EXT2: variants seen among roughly 807,000 people sequenced by gnomAD.
EXT2 encodes exostosin glycosyltransferase 2.
EXT2 carries 53 observed loss-of-function variants against 81.6 expected under a neutral mutation model. That is an observed-to-expected ratio of 0.65 (90% CI 0.52 to 0.82). The LOEUF is 0.82. Ranked by LOEUF, EXT2 falls within the 40% of genes least tolerant of loss-of-function variation. The pLI is 0.00. For synonymous variants in EXT2, 320 were observed against 340.0 expected, an observed-to-expected ratio of 0.94 and a Z score of 0.65; for missense variants, 774 against 910.2, an observed-to-expected ratio of 0.85 and a Z score of 1.93.
chr11:44,209,772 G>T (rs1473690256), intron 10 of EXT2, among the ~76,000 whole-genome samples: 1 of 151,904 alleles, frequency 6.6e-6, no homozygotes, highest in Admixed American at 6.6e-5. Flanking sequence ...AGAATCCTCA[G>T]TCAGGTTGGG....
chr11:44,202,334 G>C (rs972303260), intron 9 of EXT2, among the ~76,000 whole-genome samples: 1 of 152,180 alleles, frequency 6.6e-6, no homozygotes, highest in Non-Finnish European at 1.5e-5. Flanking sequence ...TTCGCCAATT[G>C]TAAGTCCAGA....
At position 44,251,194 on chromosome 11, in the gene EXT2, T is replaced by TC. The variant is rs5791614; in HGVS notation, c.*6908dup. On this transcript the variant is annotated 3_prime_UTR_variant, in exon 14 of 14. Coordinates refer to ENST00000533608, the MANE Select transcript of EXT2 (RefSeq NM_207122.2). ...ATGGAGAATTCAAGGATTTTTTTTT[T>TC]CTCTTTTCATAGCACCTTCCAGTTG... 0.88 allele frequency among the ~76,000 whole-genome samples: 132,986 copies of TC among 151,854 alleles called. 58,407 individuals carry two copies. Among genetic ancestry groups the TC allele is most frequent in the East Asian group, 0.94 (4,891 of 5,176 alleles).
At chr11:44,215,199 G>T (rs112065639) in intron 10 of EXT2, among the ~76,000 whole-genome samples, 254 of 152,150 alleles carry the variant, frequency 1.7e-3, no homozygotes, top group African/African-American at 5.8e-3. Flanking sequence ...GATAGATCAG[G>T]TCATTGATTT....
intron 8 of EXT2, among the ~76,000 whole-genome samples, chr11:44,189,841 G>A (rs1029522578): frequency 1.3e-5 from 2 of 152,204 alleles, no homozygotes; most frequent in African/African-American, 4.8e-5. Context: ...TGAGCTAAGA[G>A]ATGCTACTTG....
At position 44,215,909 on chromosome 11, in the gene EXT2, G is replaced by A. The variant is rs958636275; in HGVS notation, c.1662+8950G>A. Among the ~76,000 whole-genome samples the A allele has an allele frequency of 1.6e-3, 227 of 140,334 alleles. 1 individual carries two copies. Among genetic ancestry groups the A allele is most frequent in the Non-Finnish European group, 2.6e-3 (173 of 66,594 alleles). 92.1% of individuals were successfully genotyped at this position (140,334 alleles called of 152,430 possible). ...TTTTGAGACGGAGTCTCGCTCTGTCGCCCAGGTCGGACTGCGGACTGCAGT... is the reference window on the plus strand; with the variant it reads ...TTTTGAGACGGAGTCTCGCTCTGTCACCCAGGTCGGACTGCGGACTGCAGT... On this transcript the variant is annotated intron_variant, in intron 10 of 13. Transcript: ENST00000533608.
rs1277520988 is a variant in EXT2, at chr11:44,148,316, G to A, written c.1173+18178G>A. 3.9e-5 allele frequency among the ~76,000 whole-genome samples: 6 copies of A among 152,274 alleles called. No individual in the cohort carries two copies. The East Asian group carries it at 1.2e-3, about 29-fold the overall frequency. On this transcript the variant is annotated intron_variant, in intron 7 of 13. Coordinates refer to ENST00000533608, the MANE Select transcript of EXT2 (RefSeq NM_207122.2). ...TCAAGATGGACACATAACAGTCCTT[G>A]CCACTGTGTTGGGTCAGAGGTTAAA...
chr11:44,119,169 T>G (rs7484246), intron 4 of EXT2, among the ~76,000 whole-genome samples: 11,987 of 62,920 alleles, frequency 0.19, 1,510 homozygotes, highest in East Asian at 0.5. Context: ...TATATATATA[T>G]ACACATACAC....
At chr11:44,130,874 G>A (rs1030032917) in intron 7 of EXT2, among the ~76,000 whole-genome samples, 9 of 152,236 alleles carry the variant, frequency 5.9e-5, no homozygotes, top group African/African-American at 2.2e-4. Flanking sequence ...TCAGCAGTAC[G>A]TGCGTAAGTG....
Position 44,232,407 on chromosome 11 carries a change from TG to T in EXT2, c.1720del (p.Asp574ThrfsTer4). The T allele has an allele frequency of 6.2e-7, 1 of 1,614,080 alleles. No individual in the cohort carries two copies. Among genetic ancestry groups the T allele is most frequent in the Non-Finnish European group, 8.5e-7 (1 of 1,179,966 alleles). On this transcript the variant is annotated frameshift_variant, in exon 11 of 14. Coordinates refer to ENST00000533608, the MANE Select transcript of EXT2 (RefSeq NM_207122.2). LOFTEE classifies it high-confidence loss of function. ...LVGYPGRLHL[W>X]DHEMNKWKYE... ...GGGTTACCCGGGTCGTCTGCATCTCTGGGACCATGAGATGAATAAGTGGAAG... is the reference window on the plus strand; with the variant it reads ...GGGTTACCCGGGTCGTCTGCATCTCTGGACCATGAGATGAATAAGTGGAAG...
chr11:44,183,536 A>G (rs1955265709), intron 8 of EXT2, among the ~76,000 whole-genome samples: 1 of 152,030 alleles, frequency 6.6e-6, no homozygotes, highest in African/African-American at 2.4e-5. Flanking sequence ...TGCAATTCTC[A>G]CTAATCTTTC....
intron 9 of EXT2, 84 bp downstream of exon 9, chr11:44,198,102 T>G: frequency 7.0e-7 from 1 of 1,419,540 alleles, no homozygotes; most frequent in East Asian, 2.3e-5. Context: ...TAAATTTTCC[T>G]GCTTTGTCAA....
At chr11:44,171,125 A>G (rs1590618178) in intron 7 of EXT2, among the ~76,000 whole-genome samples, 1 of 152,204 alleles carries the variant, frequency 6.6e-6, no homozygotes, top group Admixed American at 6.5e-5. Context: ...AGACACCACA[A>G]TTGTAATCAG....
At chr11:44,141,412 AC>A (rs1471850240) in intron 7 of EXT2, among the ~76,000 whole-genome samples, 1 of 152,210 alleles carries the variant, frequency 6.6e-6, no homozygotes. Flanking sequence ...TTGTACAAAA[AC>A]CAAATGAGCA....
At chr11:44,142,287 T>C (rs7945703) in intron 7 of EXT2, among the ~76,000 whole-genome samples, 87,106 of 152,128 alleles carry the variant, frequency 0.57, 25,361 homozygotes, top group Middle Eastern at 0.72. Context: ...GCACAATTCA[T>C]CTTATAATTC....
chr11:44,214,305 G>A (rs1469217148), intron 10 of EXT2, among the ~76,000 whole-genome samples: 2 of 151,952 alleles, frequency 1.3e-5, no homozygotes, highest in Admixed American at 6.6e-5. Context: ...TAGTAGAGAC[G>A]GGGTTTAACC....
chr11:44,212,584 G>A (rs1455749496), intron 10 of EXT2, among the ~76,000 whole-genome samples: 1 of 152,052 alleles, frequency 6.6e-6, no homozygotes, highest in Non-Finnish European at 1.5e-5. Flanking sequence ...AAACAGTTCG[G>A]CATATAGAAC....
At chr11:44,107,662 A>T (rs779355468) in intron 1 of EXT2, 21 bp from the exon 2 acceptor site, 2 of 1,590,038 alleles carry the variant, frequency 1.3e-6, no homozygotes, top group Admixed American at 1.8e-5. Flanking sequence ...GGTTTTTCTT[A>T]TTTCTCTCCC....
chr11:44,236,151 A>C, intron 12 of EXT2, 142 bp from the exon 13 acceptor site: 4 of 764,022 alleles, frequency 5.2e-6, no homozygotes, highest in Non-Finnish European at 9.1e-6. Context: ...GAATGGAGGA[A>C]TGGCGAGGTG....
At chr11:44,198,243 A>G in intron 9 of EXT2, 1 of 583,566 alleles carries the variant, frequency 1.7e-6, no homozygotes, top group East Asian at 2.9e-5. Flanking sequence ...TTAGGAATCA[A>G]CAGGATCAAA....
Sources: gnomAD v4.1 joint callset for allele counts (sites outside exome capture counted in the v4.1 genomes callset) on GRCh38, gnomAD v4.1.1 for gene constraint, MANE v1.5 for transcripts, NCBI Gene and HGNC (gene_info 2026-07-23, HGNC 2026-07-21) for gene names.